The following GLIS3 variants were observed in gnomAD, a reference collection of about 807,000 sequenced individuals.
GLIS3 encodes the protein zinc finger protein GLIS3.
GLIS3 carries 53 observed loss-of-function variants against 78.6 expected under a neutral mutation model. The observed-to-expected ratio is 0.67, with a 90% CI of 0.54 to 0.85. GLIS3 has a LOEUF of 0.85. Among genes scored for constraint, GLIS3 ranks in the 40% least tolerant of loss-of-function variants. The probability of loss-of-function intolerance (pLI) is 0.00; values close to 1 mark genes in which losing one functional copy is unlikely to be tolerated. For synonymous variants in GLIS3, 684 were observed against 509.9 expected (o/e 1.34, Z -4.60); for missense variants, 1,703 against 1,231.1 (o/e 1.38, Z -5.74).
At chr9:4,371,901 C>T in the GLIS3 span, among the ~76,000 whole-genome samples, 1 of 152,200 alleles carries the variant, frequency 6.6e-6, no homozygotes, top group African/African-American at 2.4e-5. Flanking sequence ...CAGAATTGAA[C>T]TGTGTCCTCC....
chr9:4,167,235 A>G (rs1389407919), intron 2 of GLIS3, among the ~76,000 whole-genome samples: 1 of 152,164 alleles, frequency 6.6e-6, no homozygotes, highest in Non-Finnish European at 1.5e-5. Flanking sequence ...GATTCCATAG[A>G]AGTATGTATT....
chr9:4,093,133 G>C (rs1335163397), intron 4 of GLIS3, among the ~76,000 whole-genome samples: 1 of 152,026 alleles, frequency 6.6e-6, no homozygotes, highest in African/African-American at 2.4e-5. Flanking sequence ...TTACAGATGA[G>C]AAAAATGAGG....
the GLIS3 span, among the ~76,000 whole-genome samples, chr9:4,485,982 A>G: frequency 6.6e-6 from 1 of 152,242 alleles, no homozygotes; most frequent in African/African-American, 2.4e-5. Flanking sequence ...TTGGCCTCCC[A>G]AAGAGGTGGG....
intron 4 of GLIS3, among the ~76,000 whole-genome samples, chr9:4,092,495 T>C (rs1480653556): frequency 6.6e-6 from 1 of 152,218 alleles, no homozygotes; most frequent in South Asian, 2.1e-4. Context: ...ACCACAATAT[T>C]TCCTTTCTTT....
At chr9:4,172,604 T>C (rs1009063039) in intron 2 of GLIS3, among the ~76,000 whole-genome samples, 6 of 152,190 alleles carry the variant, frequency 3.9e-5, no homozygotes, top group Admixed American at 6.5e-5. Flanking sequence ...TTGGAATGAA[T>C]GATAAATGAA....
chr9:3,885,018 T>C (rs1220599713), intron 7 of GLIS3, among the ~76,000 whole-genome samples: 1 of 152,202 alleles, frequency 6.6e-6, no homozygotes, highest in Non-Finnish European at 1.5e-5. Flanking sequence ...AAAAAGGATA[T>C]TCCCATTTCT....
At chr9:3,974,626 C>A (rs1183888579) in intron 4 of GLIS3, among the ~76,000 whole-genome samples, 3 of 152,118 alleles carry the variant, frequency 2.0e-5, no homozygotes, top group Non-Finnish European at 4.4e-5. Flanking sequence ...GCTGAGAGTA[C>A]ATGGGGAATA....
chr9:4,398,169 C>G, the GLIS3 span, among the ~76,000 whole-genome samples: 5 of 152,116 alleles, frequency 3.3e-5, no homozygotes, highest in Non-Finnish European at 7.3e-5. Context: ...TTTTCCAAAC[C>G]CACAGAATAT....
intron 6 of GLIS3, among the ~76,000 whole-genome samples, chr9:3,920,832 C>T (rs1379801237): frequency 6.6e-6 from 1 of 152,180 alleles, no homozygotes; most frequent in Non-Finnish European, 1.5e-5. Flanking sequence ...CTAGCTGGTG[C>T]TTGTGTGCTA....
At chr9:4,163,511 C>T (rs1466125759) in intron 2 of GLIS3, among the ~76,000 whole-genome samples, 1 of 152,246 alleles carries the variant, frequency 6.6e-6, no homozygotes. Context: ...TCCAGCCTGG[C>T]CACATGTAGC....
At chr9:4,237,878 G>A (rs1211564838) in intron 2 of GLIS3, among the ~76,000 whole-genome samples, 10 of 152,098 alleles carry the variant, frequency 6.6e-5, no homozygotes, top group Admixed American at 5.9e-4. Flanking sequence ...AGTTTGATGT[G>A]GCTTTAAACA....
intron 4 of GLIS3, among the ~76,000 whole-genome samples, chr9:4,014,834 C>T (rs943933820): frequency 3.3e-5 from 5 of 152,192 alleles, no homozygotes; most frequent in African/African-American, 1.2e-4. Flanking sequence ...TACCCAATGT[C>T]ACAGGGCTGA....
chr9:4,329,142 T>C (rs1817646375), intron 2 of GLIS3, among the ~76,000 whole-genome samples: 1 of 152,174 alleles, frequency 6.6e-6, no homozygotes, highest in African/African-American at 2.4e-5. Flanking sequence ...CTGTGTGAGA[T>C]CGAAGAATTT....
chr9:4,170,942 ATTAT>A (rs1359691399), intron 2 of GLIS3, among the ~76,000 whole-genome samples: 2 of 152,182 alleles, frequency 1.3e-5, no homozygotes, highest in African/African-American at 2.4e-5. Flanking sequence ...TCAATTAACA[ATTAT>A]TTAATTAAAA....
the GLIS3 span, among the ~76,000 whole-genome samples, chr9:4,450,580 G>A: frequency 6.6e-6 from 1 of 152,178 alleles, no homozygotes; most frequent in African/African-American, 2.4e-5. Flanking sequence ...AGGAAAAAAT[G>A]TTAAGGGCAG....
At chr9:4,103,352 C>A (rs1412324552) in intron 4 of GLIS3, among the ~76,000 whole-genome samples, 1 of 152,094 alleles carries the variant, frequency 6.6e-6, no homozygotes, top group African/African-American at 2.4e-5. Flanking sequence ...GTAGCCATTT[C>A]ATATTGTTTC....
rs527388126 is a variant in GLIS3 at position 3,826,053 on chromosome 9, T to G, written c.*2219A>C. ...GCTCCTCTCAAAGAGGGAGGTGATG[T>G]CCATGGTTTCTAAAGTTGAGCTTCT... On this transcript the variant is annotated 3_prime_UTR_variant, in exon 11 of 11. Coordinates refer to ENST00000381971, the MANE Select transcript of GLIS3 (RefSeq NM_001042413.2). 1 of 152,284 alleles carries G rather than the reference T, an allele frequency of 6.6e-6. No individual in the cohort carries two copies. Among genetic ancestry groups the G allele is most frequent in the South Asian group, 2.1e-4 (1 of 4,828 alleles). 9.4% of individuals were successfully genotyped at this position (152,284 alleles called of 1,614,324 possible). A position where few individuals can be genotyped will look rare whatever the true frequency, so the allele number is the denominator to read the frequency against.
chr9:4,405,738 G>C, the GLIS3 span, among the ~76,000 whole-genome samples: 1 of 151,552 alleles, frequency 6.6e-6, no homozygotes, highest in Non-Finnish European at 1.5e-5. Flanking sequence ...GTATTACCCT[G>C]ATACCAAAAC....
intron 4 of GLIS3, among the ~76,000 whole-genome samples, chr9:4,100,849 A>G (rs1191907817): frequency 6.6e-6 from 1 of 152,156 alleles, no homozygotes; most frequent in Non-Finnish European, 1.5e-5. Context: ...GCCCCCATAG[A>G]TGGAATTCTA....
Sources: gnomAD v4.1 joint callset for allele counts (sites outside exome capture counted in the v4.1 genomes callset) on GRCh38, gnomAD v4.1.1 for gene constraint, MANE v1.5 for transcripts, NCBI Gene and HGNC (gene_info 2026-07-23, HGNC 2026-07-21) for gene names.